Variants in RALGPS1 observed in about 807,000 individuals in gnomAD.
RALGPS1 encodes the protein Ral GEF with PH domain and SH3 binding motif 1.
Under a neutral mutation model 78.8 loss-of-function variants are expected in RALGPS1, and 19 were observed. The observed-to-expected ratio is 0.24, with a 90% CI of 0.17 to 0.35. The LOEUF is 0.35. RALGPS1 is among the 10% of genes least tolerant of loss of function. The pLI is 1.00. For missense variants in RALGPS1, 454 were observed against 688.3 expected (o/e 0.66, Z 3.81); for synonymous variants, 228 against 256.3 (o/e 0.89, Z 1.06).
chr9:127,037,442 G>T lies in RALGPS1; in HGVS notation c.300+2928G>T, dbSNP rs78283698. Among the ~76,000 whole-genome samples, 1,309 of 152,304 alleles carry T rather than the reference G, an allele frequency of 8.6e-3. 26 individuals are homozygous for T. The highest frequency in any genetic ancestry group is 0.029 in the African/African-American group (1,222 of 41,552). ...CCAAATGTTTCCAACTTGTCTCATG[G>T]ACACATTTTATAGTTGCTAATGACT... On this transcript the variant is annotated intron_variant, in intron 5 of 18. Transcript: ENST00000259351.
Position 127,183,974 on chromosome 9 carries a change from C to T in RALGPS1, c.910+9192C>T. 1 of 1,550,300 alleles carries T rather than the reference C, an allele frequency of 6.5e-7. No homozygotes were observed. The highest frequency in any genetic ancestry group is 2.4e-5 in the East Asian group (1 of 40,860). ...GATGTGGCCCAGCTCCTCACGAGTA[C>T]CAGCGGCTCCCCCAGCATCTGCTGC... is the stretch of plus-strand genomic sequence containing the variant. On this transcript the variant is annotated intron_variant, in intron 11 of 18. Transcript: ENST00000259351. This position sits in a 1 kb window ranked among gnomAD's most constrained non-coding sequence, Gnocchi z 4.0.
At chr9:126,973,506 G>A (rs757131052) in intron 3 of RALGPS1, among the ~76,000 whole-genome samples, 3 of 152,166 alleles carry the variant, frequency 2.0e-5, no homozygotes, top group Admixed American at 6.5e-5. Context: ...AGAAAGTCAG[G>A]ATAATGGTTA....
intron 1 of RALGPS1, among the ~76,000 whole-genome samples, chr9:126,943,447 G>A (rs2036965903): frequency 6.6e-6 from 1 of 152,112 alleles, no homozygotes; most frequent in African/African-American, 2.4e-5. Flanking sequence ...CTGGCCTTAT[G>A]TTTTATTTAT....
chr9:126,963,518 A>G (rs2039124376), intron 2 of RALGPS1, among the ~76,000 whole-genome samples: 1 of 152,250 alleles, frequency 6.6e-6, no homozygotes. Context: ...TGATGAATAC[A>G]TGTATAACTG....
intron 3 of RALGPS1, among the ~76,000 whole-genome samples, chr9:126,969,009 T>C (rs55710487): frequency 4.6e-5 from 7 of 151,606 alleles, no homozygotes. Flanking sequence ...GATTGCGCCA[T>C]TGCACTCCAG....
intron 8 of RALGPS1, among the ~76,000 whole-genome samples, chr9:127,083,013 G>A (rs1264040686): frequency 6.6e-6 from 1 of 152,182 alleles, no homozygotes; most frequent in African/African-American, 2.4e-5. Flanking sequence ...TGTGATTTCC[G>A]GGATAGTGCA....
Position 127,052,942 on chromosome 9 carries a change from A to G in RALGPS1, c.483+3A>G. Reference sequence around the variant, plus strand: ...TCAGGCTGACAAAAACCTGGGCTGTAAGTTAATCTCCCTAAGTCTATCTAA... The same window carrying G: ...TCAGGCTGACAAAAACCTGGGCTGTGAGTTAATCTCCCTAAGTCTATCTAA... On this transcript the variant is annotated splice_donor_region_variant and intron_variant, in intron 7 of 18. Coordinates refer to ENST00000259351, the MANE Select transcript of RALGPS1 (RefSeq NM_014636.3). 2 of 1,561,142 alleles carry G rather than the reference A, an allele frequency of 1.3e-6. No homozygotes were observed. Among genetic ancestry groups the G allele is most frequent in the Non-Finnish European group, 1.8e-6 (2 of 1,131,876 alleles).
chr9:127,001,797 T>C (rs1370988350), intron 4 of RALGPS1, among the ~76,000 whole-genome samples: 1 of 152,096 alleles, frequency 6.6e-6, no homozygotes, highest in Non-Finnish European at 1.5e-5. Context: ...GGCAGGAGAA[T>C]TGCTTGAACC....
At chr9:126,935,532 G>C (rs1208420935) in intron 1 of RALGPS1, among the ~76,000 whole-genome samples, 1 of 152,198 alleles carries the variant, frequency 6.6e-6, no homozygotes, top group Non-Finnish European at 1.5e-5. Flanking sequence ...CCGTCAACCT[G>C]TTTTCACAAA....
chr9:127,176,199 T>A (rs1396971796), intron 11 of RALGPS1, among the ~76,000 whole-genome samples: 1 of 152,220 alleles, frequency 6.6e-6, no homozygotes, highest in Non-Finnish European at 1.5e-5. Context: ...TCACAGGGTT[T>A]CCATAAGCCC....
Position 127,117,497 on chromosome 9 carries a change from C to T in RALGPS1, c.610+48141C>T, listed in dbSNP as rs183478454. On this transcript the variant is annotated intron_variant, in intron 8 of 18. Transcript: ENST00000259351. ...ACAAGGTGGGTGAGGTCCTTACCCT[C>T]AAGGGGTCCACGGTAGTAGGTGAGA... Among the ~76,000 whole-genome samples, 6 of 152,332 alleles carry T rather than the reference C, an allele frequency of 3.9e-5. No individual in the cohort carries two copies. In the East Asian group the frequency reaches 5.8e-4, roughly 15 times the overall value.
chr9:126,965,768 A>G, intron 2 of RALGPS1, 76 bp from the exon 3 acceptor site: 1 of 1,123,868 alleles, frequency 8.9e-7, no homozygotes, highest in Non-Finnish European at 1.3e-6. Flanking sequence ...CCCATCCTGA[A>G]TTCCGAGGAG....
Position 127,183,812 on chromosome 9 carries a change from A to G in RALGPS1, c.910+9030A>G, listed in dbSNP as rs761993057. The G allele has an allele frequency of 6.8e-7, 1 of 1,470,430 alleles. No individual in the cohort carries two copies. The highest frequency in any genetic ancestry group is 9.1e-7 in the Non-Finnish European group (1 of 1,094,118). 91.1% of individuals were successfully genotyped at this position (1,470,430 alleles called of 1,614,324 possible). On this transcript the variant is annotated intron_variant, in intron 11 of 18. Coordinates refer to ENST00000259351, the MANE Select transcript of RALGPS1 (RefSeq NM_014636.3). The surrounding 1 kb of genome is among the most constrained non-coding windows in gnomAD (Gnocchi z 4.0). ...GGCCCTCCATGAGGACCTCAGGGATAGGAGGCCAGTTGTGGCCCATTACTC... is the reference window on the plus strand; with the variant it reads ...GGCCCTCCATGAGGACCTCAGGGATGGGAGGCCAGTTGTGGCCCATTACTC...
chr9:127,019,272 G>A (rs1185315839), intron 4 of RALGPS1, among the ~76,000 whole-genome samples: 4 of 152,012 alleles, frequency 2.6e-5, no homozygotes, highest in South Asian at 4.1e-4. Context: ...TGTAGCACCT[G>A]TTGTTACTCT....
At chr9:126,951,275 T>G (rs942938011) in intron 1 of RALGPS1, among the ~76,000 whole-genome samples, 1 of 145,998 alleles carries the variant, frequency 6.8e-6, no homozygotes, top group African/African-American at 2.5e-5. Context: ...CTGAAACTAT[T>G]CCAATCAATA....
intron 11 of RALGPS1, among the ~76,000 whole-genome samples, chr9:127,185,689 G>A (rs1349062202): frequency 3.3e-5 from 5 of 152,070 alleles, no homozygotes; most frequent in Non-Finnish European, 7.4e-5. Context: ...TGCCTTTACC[G>A]TATTTATTAT....
chr9:127,084,595 A>G (rs951983890), intron 8 of RALGPS1, among the ~76,000 whole-genome samples: 3 of 152,166 alleles, frequency 2.0e-5, no homozygotes, highest in Non-Finnish European at 4.4e-5. Flanking sequence ...GGCTGTGGGA[A>G]TGGTCCCTTG....
chr9:127,207,559 C>T (rs1034169596), intron 14 of RALGPS1, among the ~76,000 whole-genome samples: 1 of 152,248 alleles, frequency 6.6e-6, no homozygotes, highest in Non-Finnish European at 1.5e-5. Flanking sequence ...TACCACCACC[C>T]AATCATTTTG....
At chr9:127,130,012 G>A (rs1398187225) in intron 8 of RALGPS1, among the ~76,000 whole-genome samples, 1 of 152,234 alleles carries the variant, frequency 6.6e-6, no homozygotes, top group Non-Finnish European at 1.5e-5. Context: ...GTTAGGGCTG[G>A]CCTGTGGCAG....
Sources: gnomAD v4.1 joint callset for allele counts (sites outside exome capture counted in the v4.1 genomes callset) on GRCh38, gnomAD v4.1.1 for gene constraint, Gnocchi (gnomAD v3.1) non-coding constraint, MANE v1.5 for transcripts, NCBI Gene and HGNC (gene_info 2026-07-23, HGNC 2026-07-21) for gene names.